The following DSCAML1 variants were observed in gnomAD, a reference collection of about 807,000 sequenced individuals.
DSCAML1 encodes DS cell adhesion molecule like 1, also known as cell adhesion molecule DSCAML1.
DSCAML1 carries 38 observed loss-of-function variants against 200.5 expected under a neutral mutation model. The observed-to-expected ratio is 0.19, with a 90% CI of 0.15 to 0.25. DSCAML1 has a LOEUF of 0.25. Ranked by LOEUF, DSCAML1 falls within the 10% of genes least tolerant of loss-of-function variation. The pLI, the probability that DSCAML1 is intolerant of heterozygous loss-of-function variation, is 1.00. For missense variants in DSCAML1, 2,223 were observed against 2,858.8 expected, an observed-to-expected ratio of 0.78 and a Z score of 5.07; for synonymous variants, 1,215 against 1,165.0, an observed-to-expected ratio of 1.04 and a Z score of -0.87.
At chr11:117,576,432 GGA>G (rs1285726068) in intron 3 of DSCAML1, among the ~76,000 whole-genome samples, 1 of 152,086 alleles carries the variant, frequency 6.6e-6, no homozygotes, top group Non-Finnish European at 1.5e-5. Flanking sequence ...TCCCAACAGT[GGA>G]CTCTCCCAAC....
chr11:117,544,472 C>T (rs11602560), intron 3 of DSCAML1, among the ~76,000 whole-genome samples: 11,942 of 152,120 alleles, frequency 0.079, 601 homozygotes, highest in East Asian at 0.11. Context: ...GCCTGGGGGC[C>T]CTGGCACCAG....
intron 3 of DSCAML1, among the ~76,000 whole-genome samples, chr11:117,616,717 G>T (rs906816483): frequency 6.6e-6 from 1 of 152,184 alleles, no homozygotes; most frequent in Admixed American, 6.5e-5. Context: ...TATTTCTTGA[G>T]CTAAGTGACA....
chr11:117,628,346 T>G lies in DSCAML1; in HGVS notation c.512-95824A>C, dbSNP rs7928623. Among the ~76,000 whole-genome samples, 755 of 152,252 alleles carry G rather than the reference T, an allele frequency of 5.0e-3. 6 individuals are homozygous for G. Among genetic ancestry groups the G allele is most frequent in the African/African-American group, 0.017 (707 of 41,542 alleles). On this transcript the variant is annotated intron_variant, in intron 3 of 32. Transcript: ENST00000651296. ...CAGGGTGGGGAGCGGCTGATCCTCA[T>G]GACCTCTGAGCTGAGGAGGGAATAG...
At chr11:117,715,689 C>T (rs1177341448) in intron 3 of DSCAML1, among the ~76,000 whole-genome samples, 2 of 152,260 alleles carry the variant, frequency 1.3e-5, no homozygotes, top group East Asian at 3.9e-4. Context: ...GGAGGAGAGG[C>T]AGAGGCTGTC....
At chr11:117,573,901 C>T (rs1214449159) in intron 3 of DSCAML1, among the ~76,000 whole-genome samples, 1 of 152,240 alleles carries the variant, frequency 6.6e-6, no homozygotes. Context: ...CTGCCAGCTA[C>T]TGCCTCCTCC....
chr11:117,509,653 T>C (rs2049579783), intron 8 of DSCAML1, among the ~76,000 whole-genome samples: 1 of 152,064 alleles, frequency 6.6e-6, no homozygotes, highest in African/African-American at 2.4e-5. Flanking sequence ...GTGCTGTGAG[T>C]GGGGTCTCCA....
rs911440858 is a variant in DSCAML1, at chr11:117,480,002, C to A, written c.2785+441G>T. Among the ~76,000 whole-genome samples, 3 of 152,138 alleles carry A rather than the reference C, an allele frequency of 2.0e-5. No homozygotes were observed. Among genetic ancestry groups the A allele is most frequent in the Non-Finnish European group, 4.4e-5 (3 of 68,018 alleles). ...CAAGCTTTTCCAGGGCCTCCTATCC[C>A]CCACTCATGGGGACCATTCTTAGGA... On this transcript the variant is annotated intron_variant, in intron 14 of 32. Coordinates refer to ENST00000651296, the MANE Select transcript of DSCAML1 (RefSeq NM_020693.4). The surrounding 1 kb of genome is among the most constrained non-coding windows in gnomAD (Gnocchi z 4.1).
chr11:117,472,019 G>C lies in DSCAML1; in HGVS notation c.2803C>G (p.Gln935Glu). Residue 935 changes from glutamine (Q) to glutamate (E), a missense_variant, in exon 15 of 33, where the codon CAG becomes GAG. Around this residue, in one of 7 missense-constraint regions of DSCAML1, gnomAD observed 438 missense variants for 629.7 expected, o/e 0.70. Coordinates refer to ENST00000651296, the MANE Select transcript of DSCAML1 (RefSeq NM_020693.4). The stretch of plus-strand genomic sequence containing the variant: ...GTGGGGGAGATGTTGCGTGTGGACT[G>C]CTTGAAGTCCCAGGAATCTGGAGAG... Reference protein sequence around the residue: ...KNKSDSWDFKQSTRNISPTIN... With the variant: ...KNKSDSWDFKESTRNISPTIN... The C allele has an allele frequency of 1.2e-6, 2 of 1,614,064 alleles. No homozygotes were observed. The highest frequency in any genetic ancestry group is 1.7e-6 in the Non-Finnish European group (2 of 1,179,986).
intron 3 of DSCAML1, among the ~76,000 whole-genome samples, chr11:117,737,773 A>G (rs1287225009): frequency 1.3e-5 from 2 of 152,164 alleles, no homozygotes; most frequent in African/African-American, 4.8e-5. Context: ...GTTTATGAAG[A>G]GTTGCAGGCT....
intron 3 of DSCAML1, among the ~76,000 whole-genome samples, chr11:117,711,739 G>T (rs543183113): frequency 2.6e-5 from 4 of 152,162 alleles, no homozygotes; most frequent in African/African-American, 9.6e-5. Flanking sequence ...TGCATCTCTG[G>T]ATTGTTTAAT....
In DSCAML1 at chr11:117,797,108, G is replaced by C. The variant is rs1450146541; in HGVS notation, c.-29C>G. 4 of 1,589,630 alleles carry C rather than the reference G, an allele frequency of 2.5e-6. No homozygotes were observed. The highest frequency in any genetic ancestry group is 3.4e-6 in the Non-Finnish European group (4 of 1,168,778). ...ATAAAGAGGCCCTATTCTCCGGGGA[G>C]GTGGTCCTGTGGCCGGCCGTGCGGC... On this transcript the variant is annotated 5_prime_UTR_variant, in exon 1 of 33. Coordinates refer to ENST00000651296, the MANE Select transcript of DSCAML1 (RefSeq NM_020693.4).
intron 3 of DSCAML1, among the ~76,000 whole-genome samples, chr11:117,629,798 A>G (rs893834472): frequency 1.5e-4 from 23 of 152,286 alleles, no homozygotes; most frequent in African/African-American, 5.3e-4. Flanking sequence ...GGGGTTTGAG[A>G]CCAGGCTGGG....
Position 117,687,302 on chromosome 11 carries a change from C to G in DSCAML1, c.511+89489G>C, listed in dbSNP as rs185851872. Among the ~76,000 whole-genome samples, 170 of 152,118 alleles carry G rather than the reference C, an allele frequency of 1.1e-3. 1 individual carries two copies. Among genetic ancestry groups the G allele is most frequent in the African/African-American group, 3.9e-3 (162 of 41,508 alleles). On this transcript the variant is annotated intron_variant, in intron 3 of 32. Transcript: ENST00000651296. ...TAGAGACAAGATCTCGCTCTGTAAC[C>G]CAGGCTGGAGTGCAGTGATGCAATC...
intron 32 of DSCAML1, 50 bp downstream of exon 32, chr11:117,430,671 TG>T: frequency 6.6e-7 from 1 of 1,511,718 alleles, no homozygotes. Context: ...CTCATGGGGC[TG>T]GGGCCAGGGG....
At chr11:117,520,039 GTGTT>G (rs1314516531) in intron 6 of DSCAML1, among the ~76,000 whole-genome samples, 1 of 152,198 alleles carries the variant, frequency 6.6e-6, no homozygotes, top group Non-Finnish European at 1.5e-5. Flanking sequence ...GAATTGTGTT[GTGTT>G]TGTTTTGGTG....
intron 3 of DSCAML1, among the ~76,000 whole-genome samples, chr11:117,548,867 C>A (rs1209618480): frequency 6.6e-6 from 1 of 152,220 alleles, no homozygotes; most frequent in East Asian, 1.9e-4. Flanking sequence ...GGAGGAGTCG[C>A]TGGGCTGCCG....
At chr11:117,693,893 C>A (rs1490359012) in intron 3 of DSCAML1, among the ~76,000 whole-genome samples, 1 of 151,934 alleles carries the variant, frequency 6.6e-6, no homozygotes, top group Non-Finnish European at 1.5e-5. Context: ...GTCCTGTGGC[C>A]ATCATGTTCT....
intron 4 of DSCAML1, among the ~76,000 whole-genome samples, chr11:117,528,176 C>T (rs1465196310): frequency 2.0e-5 from 3 of 152,196 alleles, no homozygotes; most frequent in Non-Finnish European, 4.4e-5. Context: ...CCACCCCCAA[C>T]CCGGTGGGAA....
intron 11 of DSCAML1, among the ~76,000 whole-genome samples, chr11:117,494,813 G>A (rs1272369030): frequency 5.3e-5 from 8 of 152,180 alleles, no homozygotes; most frequent in Admixed American, 5.2e-4. Context: ...GGAAGAGAAG[G>A]CCATGTGGTG....
Sources: gnomAD v4.1 joint callset for allele counts (sites outside exome capture counted in the v4.1 genomes callset) on GRCh38, gnomAD v4.1.1 for gene constraint, gnomAD v4.1.1 regional missense constraint, Gnocchi (gnomAD v3.1) non-coding constraint, MANE v1.5 for transcripts, NCBI Gene and HGNC (gene_info 2026-07-23, HGNC 2026-07-21) for gene names.